The following NAT14 variants were observed in gnomAD, a reference collection of about 807,000 sequenced individuals.
NAT14 encodes probable N-acetyltransferase 14.
NAT14 carries 14 observed loss-of-function variants against 12.1 expected under a neutral mutation model. That is an observed-to-expected ratio of 1.16 (90% confidence interval 0.76 to 1.81). NAT14 has a LOEUF of 1.81. Ranked by LOEUF, NAT14 falls within the 40% of genes most tolerant of loss-of-function variation. The pLI, the probability that NAT14 is intolerant of heterozygous loss-of-function variation, is 0.00. For missense variants in NAT14, 341 were observed against 304.3 expected (o/e 1.12, Z -0.90); for synonymous variants, 156 against 145.1 (o/e 1.08, Z -0.54).
Position 55,487,189 on chromosome 19 carries a change from C to A in NAT14, c.*233C>A. The A allele has an allele frequency of 1.6e-6, 1 of 611,648 alleles. No homozygotes were observed. The highest frequency in any genetic ancestry group is 2.6e-6 in the Non-Finnish European group (1 of 381,008). 37.9% of individuals were successfully genotyped at this position (611,648 alleles called of 1,614,324 possible). On this transcript the variant is annotated 3_prime_UTR_variant, in exon 3 of 3. Transcript: ENST00000205194. ...TGGAATGACTCCTTTTCCTTCCTGGCCCTCGGGGGCCTCTCGAGGTCAGCC... is the reference window on the plus strand; with the variant it reads ...TGGAATGACTCCTTTTCCTTCCTGGACCTCGGGGGCCTCTCGAGGTCAGCC...
In NAT14 at chr19:55,487,244, C is replaced by A; in HGVS notation, c.*288C>A. ...CAACCCCTACCTCAGCTCCTGTCTG[C>A]ACTGAGAAACCTCCCCGGGTGATGT... On this transcript the variant is annotated 3_prime_UTR_variant, in exon 3 of 3. Coordinates refer to ENST00000205194, the MANE Select transcript of NAT14 (RefSeq NM_020378.4). 1 of 493,150 alleles carries A rather than the reference C, an allele frequency of 2.0e-6. No homozygotes were observed. 30.5% of individuals were successfully genotyped at this position (493,150 alleles called of 1,614,324 possible). A position where few individuals can be genotyped will look rare whatever the true frequency, so the allele number is the denominator to read the frequency against.
Position 55,486,923 on chromosome 19 carries a change from C to G in NAT14, c.588C>G (p.Tyr196Ter). ...QAEGGWGCLG[Y>*]TLVREFSKDL is the part of the protein sequence containing the mutation. ...AGGGGGGCTGGGGCTGCCTGGGCTA[C>G]ACGCTGGTGAGGGAATTCAGCAAAG... The change falls in exon 3 of 3, where the codon TAC becomes TAG. Residue 196 changes from tyrosine to a stop codon, truncating the protein, a stop_gained. Transcript: ENST00000205194. LOFTEE classifies it high-confidence loss of function. 4 of 1,563,192 alleles carry G rather than the reference C, an allele frequency of 2.6e-6. No individual in the cohort carries two copies. The highest frequency in any genetic ancestry group is 2.6e-6 in the Non-Finnish European group (3 of 1,162,272).
In NAT14 at chr19:55,486,401, C is replaced by A; in HGVS notation, c.73-7C>A. 1 of 1,445,386 alleles carries A rather than the reference C, an allele frequency of 6.9e-7. No individual in the cohort carries two copies. Among genetic ancestry groups the A allele is most frequent in the Non-Finnish European group, 9.0e-7 (1 of 1,105,076 alleles). 89.5% of individuals were successfully genotyped at this position (1,445,386 alleles called of 1,614,324 possible). A position where few individuals can be genotyped will look rare whatever the true frequency, so the allele number is the denominator to read the frequency against. On this transcript the variant is annotated splice_region_variant and splice_polypyrimidine_tract_variant and intron_variant, in intron 2 of 2. Transcript: ENST00000205194. ...TCGGATGGCTGAGCCACCCCTCCTGCCCACAGGCCGGCGTGAAGGACACGG... is the reference window on the plus strand; with the variant it reads ...TCGGATGGCTGAGCCACCCCTCCTGACCACAGGCCGGCGTGAAGGACACGG...
chr19:55,486,992 A>AG lies in NAT14; in HGVS notation c.*40dup, dbSNP rs1244664368. On this transcript the variant is annotated 3_prime_UTR_variant, in exon 3 of 3. Transcript: ENST00000205194. ...TGACAGCCAGGGCAGGGGAGGAGGG[A>AG]GGGGCGCCAGCACCTGATGATCGCC... 6.6e-7 allele frequency: 1 copy of AG among 1,518,666 alleles called. No homozygotes were observed. The highest frequency in any genetic ancestry group is 1.2e-5 in the South Asian group (1 of 82,576). 94.1% of individuals were successfully genotyped at this position (1,518,666 alleles called of 1,614,324 possible). A position where few individuals can be genotyped will look rare whatever the true frequency, so the allele number is the denominator to read the frequency against.
intron 1 of NAT14, 36 bp from the exon 2 acceptor site, chr19:55,485,625 G>GC (rs923355565): frequency 7.0e-6 from 8 of 1,145,596 alleles, no homozygotes; most frequent in Non-Finnish European, 1.0e-5. Flanking sequence ...GGACAGAGGT[G>GC]CCCCCCTGAC....
chr19:55,486,643 G>A lies in NAT14; in HGVS notation c.308G>A (p.Gly103Asp), dbSNP rs959248387. 13 of 1,510,224 alleles carry A rather than the reference G, an allele frequency of 8.6e-6. No individual in the cohort carries two copies. Among genetic ancestry groups the A allele is most frequent in the African/African-American group, 1.4e-5 (1 of 69,900 alleles). The allele number at this position is 1,510,224 out of a possible 1,614,324, so 93.6% of individuals were successfully genotyped here. A position where few individuals can be genotyped will look rare whatever the true frequency, so the allele number is the denominator to read the frequency against. Residue 103 changes from glycine to aspartate, a missense_variant, in exon 3 of 3, where the codon GGC (glycine) becomes GAC (aspartate). Coordinates refer to ENST00000205194, the MANE Select transcript of NAT14 (RefSeq NM_020378.4). ...GGGGGCCCCTGGGTGGCCGTGCGGG[G>A]CTCCGGTGACGTGTGTGGGGTCCTG... is the stretch of plus-strand genomic sequence containing the variant. Reference protein sequence around the residue: ...GLGGPWVAVRGSGDVCGVLAL... With the variant: ...GLGGPWVAVRDSGDVCGVLAL...
At position 55,487,324 on chromosome 19, in the gene NAT14, GA is replaced by G. The variant is rs1986957190; in HGVS notation, c.*369del. 2.3e-6 allele frequency: 1 copy of G among 431,680 alleles called. No individual in the cohort carries two copies. Among genetic ancestry groups the G allele is most frequent in the Non-Finnish European group, 4.1e-6 (1 of 246,672 alleles). 26.7% of individuals were successfully genotyped at this position (431,680 alleles called of 1,614,324 possible). A position where few individuals can be genotyped will look rare whatever the true frequency, so the allele number is the denominator to read the frequency against. The stretch of plus-strand genomic sequence containing the variant: ...GCTGGGAGAGCTATCTGGGGAGGGG[GA>G]GAGGAGGCCGAGCAGAATACACCCC... On this transcript the variant is annotated 3_prime_UTR_variant, in exon 3 of 3. Transcript: ENST00000205194.
rs1179912558 is a variant in NAT14, at chr19:55,487,193, C to G, written c.*237C>G. The G allele has an allele frequency of 4.9e-6, 3 of 608,062 alleles. No homozygotes were observed. The highest frequency in any genetic ancestry group is 7.9e-6 in the Non-Finnish European group (3 of 378,564). 37.7% of individuals were successfully genotyped at this position (608,062 alleles called of 1,614,324 possible). A position where few individuals can be genotyped will look rare whatever the true frequency, so the allele number is the denominator to read the frequency against. ...ATGACTCCTTTTCCTTCCTGGCCCT[C>G]GGGGGCCTCTCGAGGTCAGCCTCTC... On this transcript the variant is annotated 3_prime_UTR_variant, in exon 3 of 3. Coordinates refer to ENST00000205194, the MANE Select transcript of NAT14 (RefSeq NM_020378.4).
intron 1 of NAT14, 108 bp from the exon 2 acceptor site, chr19:55,485,553 G>T: frequency 1.6e-6 from 1 of 617,346 alleles, no homozygotes; most frequent in Non-Finnish European, 2.9e-6. Context: ...GGCCCCGAGG[G>T]TTCTCAGTGT....
At position 55,487,174 on chromosome 19, in the gene NAT14, CCTTTTCCT is replaced by C. The variant is rs1303682780; in HGVS notation, c.*219_*226del. The C allele has an allele frequency of 1.5e-6, 1 of 673,872 alleles. No homozygotes were observed. The highest frequency in any genetic ancestry group is 2.3e-6 in the Non-Finnish European group (1 of 436,192). 41.7% of individuals were successfully genotyped at this position (673,872 alleles called of 1,614,324 possible). On this transcript the variant is annotated 3_prime_UTR_variant, in exon 3 of 3. Transcript: ENST00000205194. ...TTGAGCTTCTCAGAGTGGAATGACT[CCTTTTCCT>C]TCCTGGCCCTCGGGGGCCTCTCGAG...
rs1444596232 is a variant in NAT14, at chr19:55,486,929, G to A, written c.594G>A (p.Leu198=). The A allele has an allele frequency of 1.0e-5, 16 of 1,563,376 alleles. No homozygotes were observed. In the Admixed American group the frequency reaches 1.4e-4, roughly 14 times the overall value. The change falls in exon 3 of 3, where the codon CTG becomes CTA. Residue 198 remains leucine (L), a synonymous_variant. Coordinates refer to ENST00000205194, the MANE Select transcript of NAT14 (RefSeq NM_020378.4). ...GCTGGGGCTGCCTGGGCTACACGCT[G>A]GTGAGGGAATTCAGCAAAGACCTGT... ...EGGWGCLGYT[L]VREFSKDL is the part of the protein sequence containing the mutation.
chr19:55,486,626 C>T lies in NAT14; in HGVS notation c.291C>T (p.Pro97=), dbSNP rs1236500878. ...SLPPPGGLGG[P]WVAVRGSGDV... is the part of the protein sequence containing the mutation. Reference sequence around the variant, plus strand: ...CTCCGCCGGGTGGCCTGGGGGGCCCCTGGGTGGCCGTGCGGGGCTCCGGTG... The same window carrying T: ...CTCCGCCGGGTGGCCTGGGGGGCCCTTGGGTGGCCGTGCGGGGCTCCGGTG... Residue 97 remains proline, a synonymous_variant, in exon 3 of 3, where the codon CCC becomes CCT. Transcript: ENST00000205194. 3.9e-6 allele frequency: 6 copies of T among 1,530,074 alleles called. 1 individual carries two copies. The highest frequency in any genetic ancestry group is 4.4e-6 in the Non-Finnish European group (5 of 1,149,254). 94.8% of individuals were successfully genotyped at this position (1,530,074 alleles called of 1,614,324 possible).
chr19:55,486,225 A>T, intron 2 of NAT14, 183 bp from the exon 3 acceptor site: 2 of 774,432 alleles, frequency 2.6e-6, no homozygotes, highest in Non-Finnish European at 3.8e-6. Context: ...TCACTCATCC[A>T]TCCATCATTC....
At chr19:55,486,086 A>G (rs1306150715) in intron 2 of NAT14, 9 of 571,912 alleles carry the variant, frequency 1.6e-5, no homozygotes, top group Non-Finnish European at 3.1e-6. Context: ...AGCACAGCCC[A>G]GCACCCCAAC....
rs1986932954 is a variant in NAT14, at chr19:55,486,774, G to A, written c.439G>A (p.Ala147Thr). 4.2e-6 allele frequency: 6 copies of A among 1,423,250 alleles called. No individual in the cohort carries two copies. The highest frequency in any genetic ancestry group is 5.5e-6 in the Non-Finnish European group (6 of 1,099,900). 88.2% of individuals were successfully genotyped at this position (1,423,250 alleles called of 1,614,324 possible). A position where few individuals can be genotyped will look rare whatever the true frequency, so the allele number is the denominator to read the frequency against. ...CGTGGGCAGGAGGCTGCTGGCCTTC[G>A]CGGAGGCCCGGGCTCGGGCCTGGGC... Reference protein sequence around the residue: ...RGVGRRLLAFAEARARAWAGG... With the variant: ...RGVGRRLLAFTEARARAWAGG... The change falls in exon 3 of 3, where the codon GCG (alanine) becomes ACG (threonine). Residue 147 changes from alanine (A) to threonine (T), a missense_variant. Coordinates refer to ENST00000205194, the MANE Select transcript of NAT14 (RefSeq NM_020378.4).
chr19:55,487,133 G>A lies in NAT14; in HGVS notation c.*177G>A. ...TGGCCTCTGTCCACCCGTCAGCAGTGTGAAGTCTGTTGTGTTTGAGCTTCT... is the reference window on the plus strand; with the variant it reads ...TGGCCTCTGTCCACCCGTCAGCAGTATGAAGTCTGTTGTGTTTGAGCTTCT... On this transcript the variant is annotated 3_prime_UTR_variant, in exon 3 of 3. Transcript: ENST00000205194. 2.0e-6 allele frequency: 2 copies of A among 988,028 alleles called. No homozygotes were observed. The highest frequency in any genetic ancestry group is 3.5e-5 in the South Asian group (2 of 56,448). The allele number at this position is 988,028 out of a possible 1,614,324, so 61.2% of individuals were successfully genotyped here.
rs755514604 is a variant in NAT14, at chr19:55,486,575, C to T, written c.240C>T (p.Gly80=). The change falls in exon 3 of 3, where the codon GGC becomes GGT. Residue 80 remains glycine, a synonymous_variant. Transcript: ENST00000205194. Reference sequence around the variant, plus strand: ...TGGCTGTGGCCGCCGTGAAGCTGGGCCTGCGGGCCCGATGGGGCTCGCTGC... The same window carrying T: ...TGGCTGTGGCCGCCGTGAAGCTGGGTCTGCGGGCCCGATGGGGCTCGCTGC... ...VFLAVAAVKL[G]LRARWGSLPP... 1.3e-6 allele frequency: 2 copies of T among 1,579,990 alleles called. No individual in the cohort carries two copies. The highest frequency in any genetic ancestry group is 1.7e-6 in the Non-Finnish European group (2 of 1,171,784).
Position 55,487,216 on chromosome 19 carries a change from C to T in NAT14, c.*260C>T. On this transcript the variant is annotated 3_prime_UTR_variant, in exon 3 of 3. Transcript: ENST00000205194. ...CTCGGGGGCCTCTCGAGGTCAGCCT[C>T]TCCAACCCCTACCTCAGCTCCTGTC... is the stretch of plus-strand genomic sequence containing the variant. 1.8e-6 allele frequency: 1 copy of T among 545,168 alleles called. No homozygotes were observed. The highest frequency in any genetic ancestry group is 3.4e-5 in the East Asian group (1 of 29,406). 33.8% of individuals were successfully genotyped at this position (545,168 alleles called of 1,614,324 possible).
intron 2 of NAT14, 69 bp from the exon 3 acceptor site, chr19:55,486,339 G>T (rs1986910705): frequency 1.4e-6 from 2 of 1,394,400 alleles, no homozygotes; most frequent in African/African-American, 1.5e-5. Flanking sequence ...CCCGGGCAGG[G>T]TCTACCTCCT....
Sources: allele counts gnomAD v4.1 joint callset, GRCh38; gene constraint gnomAD v4.1.1; transcripts MANE v1.5; gene names NCBI Gene and HGNC (gene_info 2026-07-23, HGNC 2026-07-21).